Variants in KCTD1 observed in about 807,000 individuals in gnomAD.
The protein encoded by KCTD1 is BTB/POZ domain-containing protein KCTD1.
Under a neutral mutation model 66.0 loss-of-function variants are expected in KCTD1, and 24 were observed. That is an observed-to-expected ratio of 0.36 (90% confidence interval 0.26 to 0.51). The LOEUF is 0.51. Among genes scored for constraint, KCTD1 ranks in the 20% least tolerant of loss-of-function variants. The pLI, the probability that KCTD1 is intolerant of heterozygous loss-of-function variation, is 0.95. For missense variants in KCTD1, 943 were observed against 1,205.2 expected, an observed-to-expected ratio of 0.78 and a Z score of 3.22; for synonymous variants, 511 against 517.2, an observed-to-expected ratio of 0.99 and a Z score of 0.16.
intron 3 of KCTD1, among the ~76,000 whole-genome samples, chr18:26,464,174 T>C (rs1014632451): frequency 6.6e-6 from 1 of 152,176 alleles, no homozygotes; most frequent in African/African-American, 2.4e-5. Context: ...AGGTCAGAAG[T>C]CGGAAATGGA....
intron 1 of KCTD1, among the ~76,000 whole-genome samples, chr18:26,617,404 C>G (rs1987278651): frequency 6.6e-6 from 1 of 152,220 alleles, no homozygotes; most frequent in African/African-American, 2.4e-5. Context: ...ATATCTCTCT[C>G]CCATGCCGTG....
At chr18:26,628,194 A>G (rs1249740399) in intron 1 of KCTD1, among the ~76,000 whole-genome samples, 1 of 152,204 alleles carries the variant, frequency 6.6e-6, no homozygotes, top group African/African-American at 2.4e-5. Context: ...CATTTATATA[A>G]GCCTTTGGAC....
intron 1 of KCTD1, among the ~76,000 whole-genome samples, chr18:26,509,077 T>C (rs1983199814): frequency 1.3e-5 from 2 of 152,144 alleles, no homozygotes; most frequent in Non-Finnish European, 1.5e-5. Flanking sequence ...TGCCAAACTC[T>C]ATGGTCTCTA....
Position 26,547,205 on chromosome 18 carries a change from G to A in KCTD1, c.1332C>T (p.Leu444=). The A allele has an allele frequency of 1.3e-6, 2 of 1,551,236 alleles. No homozygotes were observed. Among genetic ancestry groups the A allele is most frequent in the Non-Finnish European group, 1.7e-6 (2 of 1,146,952 alleles). The change falls in exon 1 of 5, where the codon CTC becomes CTT. Residue 444 remains leucine, a synonymous_variant. Transcript: ENST00000580059. The part of the protein sequence containing the change: ...RMQMLSKAAK[L]SKTYTNHCIG... ...TGCAGTGGTTGGTGTAGGTCTTGGAGAGCTTGGCCGCCTTGGAGAGCATCT... is the reference window on the plus strand; with the variant it reads ...TGCAGTGGTTGGTGTAGGTCTTGGAAAGCTTGGCCGCCTTGGAGAGCATCT...
chr18:26,526,942 G>C (rs538991171), intron 1 of KCTD1, among the ~76,000 whole-genome samples: 12 of 148,140 alleles, frequency 8.1e-5, no homozygotes, highest in Middle Eastern at 3.5e-3. Flanking sequence ...TAGGATTAAA[G>C]CAACCTATTT....
At chr18:26,540,149 G>A (rs1263969077) in intron 1 of KCTD1, among the ~76,000 whole-genome samples, 1 of 152,058 alleles carries the variant, frequency 6.6e-6, no homozygotes, top group South Asian at 2.1e-4. Context: ...ACCGGACTAG[G>A]GACATGAAGT....
intron 1 of KCTD1, among the ~76,000 whole-genome samples, chr18:26,554,017 G>T (rs1985641157): frequency 7.0e-6 from 1 of 142,830 alleles, no homozygotes; most frequent in African/African-American, 2.6e-5. Context: ...AAGAAAAGAA[G>T]ATGAAAGAAA....
At chr18:26,634,358 T>A (rs145147326) in intron 1 of KCTD1, among the ~76,000 whole-genome samples, 417 of 152,268 alleles carry the variant, frequency 2.7e-3, no homozygotes, top group African/African-American at 9.6e-3. Context: ...TATGATATAA[T>A]CCATTTTGTG....
chr18:26,459,721 C>A lies in KCTD1; in HGVS notation c.2338G>T (p.Gly780Cys). Reference sequence around the variant, plus strand: ...TTGACAGAGTTACACATCACGTCGCCGATCTCTGGAAATACTTCTTCTATC... The same window carrying A: ...TTGACAGAGTTACACATCACGTCGCAGATCTCTGGAAATACTTCTTCTATC... The part of the protein sequence containing the change: ...SLIEEVFPEI[G>C]DVMCNSVNAG... Residue 780 changes from glycine to cysteine, a missense_variant, in exon 4 of 5, where the codon GGC becomes TGC. This residue lies in a region of KCTD1 where 162 missense variants were observed against 232.4 expected (regional missense o/e 0.70). Transcript: ENST00000580059. The A allele has an allele frequency of 6.2e-7, 1 of 1,614,086 alleles. No homozygotes were observed. The highest frequency in any genetic ancestry group is 8.5e-7 in the Non-Finnish European group (1 of 1,179,974).
At chr18:26,627,141 T>A (rs917915914) in intron 1 of KCTD1, among the ~76,000 whole-genome samples, 10 of 152,164 alleles carry the variant, frequency 6.6e-5, no homozygotes, top group African/African-American at 2.2e-4. Flanking sequence ...CCTTTGCACC[T>A]GGAAACTGGA....
chr18:26,480,472 A>T (rs936014322), intron 2 of KCTD1, among the ~76,000 whole-genome samples: 1 of 152,248 alleles, frequency 6.6e-6, no homozygotes, highest in African/African-American at 2.4e-5. Flanking sequence ...TAGCTTTTTA[A>T]TATTAGCACT....
At chr18:26,619,648 A>G (rs370638397) in intron 1 of KCTD1, among the ~76,000 whole-genome samples, 11 of 152,304 alleles carry the variant, frequency 7.2e-5, no homozygotes, top group African/African-American at 2.6e-4. Flanking sequence ...GGGCACTGGA[A>G]TCAAGCCTGG....
chr18:26,507,411 C>T (rs1313429447), intron 1 of KCTD1, among the ~76,000 whole-genome samples: 4 of 152,094 alleles, frequency 2.6e-5, no homozygotes, highest in African/African-American at 4.8e-5. Context: ...ACTCTGTTGC[C>T]GAGGCTAGAA....
chr18:26,491,234 G>A (rs1344429878), intron 2 of KCTD1, among the ~76,000 whole-genome samples: 5 of 152,112 alleles, frequency 3.3e-5, no homozygotes, highest in African/African-American at 2.4e-5. Context: ...AGAAAGGAGG[G>A]CACAGCAGGA....
chr18:26,478,685 GA>G (rs1309049781), intron 2 of KCTD1, among the ~76,000 whole-genome samples: 1 of 152,246 alleles, frequency 6.6e-6, no homozygotes, highest in Non-Finnish European at 1.5e-5. Flanking sequence ...AACCAGGACT[GA>G]GGAGTGCGGA....
At chr18:26,463,129 C>T (rs1258302519) in intron 3 of KCTD1, among the ~76,000 whole-genome samples, 2 of 152,200 alleles carry the variant, frequency 1.3e-5, no homozygotes, top group Non-Finnish European at 2.9e-5. Flanking sequence ...CTCTTCTGCC[C>T]TGTCCTATGT....
intron 1 of KCTD1, among the ~76,000 whole-genome samples, chr18:26,535,857 A>G (rs901225797): frequency 6.6e-6 from 1 of 151,138 alleles, no homozygotes; most frequent in African/African-American, 2.4e-5. Flanking sequence ...GGGTATGATG[A>G]AAGTTCCTAT....
intron 1 of KCTD1, among the ~76,000 whole-genome samples, chr18:26,627,294 G>A (rs1987523245): frequency 5.3e-5 from 8 of 149,960 alleles, no homozygotes; most frequent in Admixed American, 5.3e-4. Flanking sequence ...GTGTGTGTGT[G>A]TGTGTGTGCC....
intron 2 of KCTD1, among the ~76,000 whole-genome samples, chr18:26,477,708 T>C (rs1340067238): frequency 6.6e-6 from 1 of 152,208 alleles, no homozygotes; most frequent in African/African-American, 2.4e-5. Context: ...GTAGGAAAGC[T>C]ACTTCCCTCT....
Sources: gnomAD v4.1 joint callset for allele counts (sites outside exome capture counted in the v4.1 genomes callset) on GRCh38, gnomAD v4.1.1 for gene constraint, gnomAD v4.1.1 regional missense constraint, MANE v1.5 for transcripts, NCBI Gene and HGNC (gene_info 2026-07-23, HGNC 2026-07-21) for gene names.